Variants in DOCK2 observed in about 807,000 individuals in gnomAD.
The protein encoded by DOCK2 is dedicator of cytokinesis protein 2.
DOCK2 carries 87 observed loss-of-function variants against 248.9 expected under a neutral mutation model. The ratio of observed to expected loss-of-function variants is 0.35; its 90% CI spans 0.29 to 0.42. The LOEUF (loss-of-function observed/expected upper bound fraction) is 0.42. DOCK2 is among the 10% of genes least tolerant of loss of function. The pLI, the probability that DOCK2 is intolerant of heterozygous loss-of-function variation, is 1.00. For synonymous variants in DOCK2, 805 were observed against 821.6 expected, an observed-to-expected ratio of 0.98 and a Z score of 0.35; for missense variants, 1,747 against 2,300.2, an observed-to-expected ratio of 0.76 and a Z score of 4.92.
At chr5:169,842,689 G>A (rs919978681) in intron 27 of DOCK2, among the ~76,000 whole-genome samples, 2 of 152,172 alleles carry the variant, frequency 1.3e-5, no homozygotes, top group Non-Finnish European at 2.9e-5. Flanking sequence ...TCTGTACGTA[G>A]CAGGCTTTTA....
intron 46 of DOCK2, among the ~76,000 whole-genome samples, chr5:170,070,575 AAAT>A (rs1274212315): frequency 6.6e-6 from 1 of 152,146 alleles, no homozygotes; most frequent in African/African-American, 2.4e-5. Context: ...TTTATTATTC[AAAT>A]AATGATGTTC....
intron 27 of DOCK2, among the ~76,000 whole-genome samples, chr5:169,870,566 G>T (rs1162573627): frequency 2.6e-5 from 4 of 151,190 alleles, no homozygotes; most frequent in South Asian, 4.2e-4. Context: ...TAGATCTGTG[G>T]GTTTTTTTCT....
intron 27 of DOCK2, among the ~76,000 whole-genome samples, chr5:169,960,270 A>T (rs759490081): frequency 3.3e-5 from 5 of 152,194 alleles, no homozygotes; most frequent in Non-Finnish European, 7.3e-5. Context: ...ACCTCTGTAC[A>T]TGGGTATCTT....
At chr5:169,943,698 G>A (rs1400640235) in intron 27 of DOCK2, among the ~76,000 whole-genome samples, 1 of 152,130 alleles carries the variant, frequency 6.6e-6, no homozygotes, top group Non-Finnish European at 1.5e-5. Context: ...TGGGATCAGT[G>A]GAATCAGCAT....
intron 33 of DOCK2, among the ~76,000 whole-genome samples, chr5:170,024,310 G>T (rs1428373756): frequency 1.3e-5 from 2 of 151,632 alleles, no homozygotes; most frequent in African/African-American, 4.8e-5. Context: ...CAGTGTTGGG[G>T]GTAAGGACTG....
intron 25 of DOCK2, among the ~76,000 whole-genome samples, chr5:169,796,395 A>T (rs985539330): frequency 6.6e-6 from 1 of 152,132 alleles, no homozygotes; most frequent in Non-Finnish European, 1.5e-5. Context: ...GTAATGGCAT[A>T]TCCCATGGAA....
At chr5:170,034,955 TG>T (rs1336395162) in intron 35 of DOCK2, among the ~76,000 whole-genome samples, 1 of 152,162 alleles carries the variant, frequency 6.6e-6, no homozygotes, top group Non-Finnish European at 1.5e-5. Context: ...ATCTATTACA[TG>T]GAGAAAATAA....
At chr5:169,807,633 C>A (rs1398477394) in intron 26 of DOCK2, among the ~76,000 whole-genome samples, 1 of 151,796 alleles carries the variant, frequency 6.6e-6, no homozygotes, top group Non-Finnish European at 1.5e-5. Context: ...GAGATCGAGA[C>A]CATCCTGGCT....
rs546474084 is a variant in DOCK2, at chr5:170,067,817, G to A, written c.4644+131G>A. 2.2e-4 allele frequency: 224 copies of A among 1,005,286 alleles called. No homozygotes were observed. The African/African-American group carries it at 3.3e-3, about 15-fold the overall frequency. The allele number at this position is 1,005,286 out of a possible 1,614,324, so 62.3% of individuals were successfully genotyped here. A position where few individuals can be genotyped will look rare whatever the true frequency, so the allele number is the denominator to read the frequency against. On this transcript the variant is annotated intron_variant, in intron 45 of 51. Transcript: ENST00000520908. ...GTCCTTGTCCCCAGAGGGACCCTCAGCTTGGTTGGCCCTCATGTTTCTATA... is the reference window on the plus strand; with the variant it reads ...GTCCTTGTCCCCAGAGGGACCCTCAACTTGGTTGGCCCTCATGTTTCTATA...
chr5:169,856,648 A>C (rs568986756), intron 27 of DOCK2, among the ~76,000 whole-genome samples: 1 of 152,356 alleles, frequency 6.6e-6, no homozygotes, highest in Non-Finnish European at 1.5e-5. Flanking sequence ...TGACACCAGC[A>C]AGTAACTTCT....
At chr5:169,722,171 G>A (rs1184100696) in intron 22 of DOCK2, among the ~76,000 whole-genome samples, 3 of 152,192 alleles carry the variant, frequency 2.0e-5, no homozygotes, top group South Asian at 2.1e-4. Context: ...AATCTTCTAC[G>A]ATTCAGCTTC....
chr5:169,795,621 C>T (rs1374251170), intron 25 of DOCK2, among the ~76,000 whole-genome samples: 2 of 152,128 alleles, frequency 1.3e-5, no homozygotes, highest in Non-Finnish European at 2.9e-5. Flanking sequence ...TAGTTTTCTT[C>T]GTGATATGCT....
At chr5:169,921,993 A>G (rs1390846179) in intron 27 of DOCK2, among the ~76,000 whole-genome samples, 2 of 152,214 alleles carry the variant, frequency 1.3e-5, no homozygotes, top group Non-Finnish European at 2.9e-5. Flanking sequence ...TCAGAATCCC[A>G]TGTACATCCT....
intron 29 of DOCK2, among the ~76,000 whole-genome samples, 167 bp downstream of exon 29, chr5:169,986,089 G>A (rs1188325775): frequency 2.0e-5 from 3 of 150,044 alleles, no homozygotes; most frequent in Non-Finnish European, 4.4e-5. Flanking sequence ...CTCACCAATC[G>A]AAGCTACTCA....
intron 27 of DOCK2, among the ~76,000 whole-genome samples, chr5:169,881,106 C>G (rs1231453290): frequency 2.0e-5 from 3 of 152,116 alleles, no homozygotes; most frequent in Admixed American, 2.0e-4. Context: ...GAATGAGATG[C>G]AAATGTGCAT....
intron 26 of DOCK2, among the ~76,000 whole-genome samples, chr5:169,810,744 T>C (rs1343963532): frequency 6.6e-6 from 1 of 152,166 alleles, no homozygotes. Context: ...CATTTTAGTA[T>C]GTCGCACTTA....
chr5:169,700,354 C>T (rs1186312027), intron 13 of DOCK2, among the ~76,000 whole-genome samples: 3 of 152,002 alleles, frequency 2.0e-5, no homozygotes, highest in Non-Finnish European at 2.9e-5. Flanking sequence ...ACACATACCC[C>T]TTCTCCCCAC....
chr5:170,055,662 C>T (rs992685713), intron 42 of DOCK2, among the ~76,000 whole-genome samples: 8 of 152,250 alleles, frequency 5.3e-5, no homozygotes, highest in Non-Finnish European at 1.2e-4. Flanking sequence ...ATGCAGTCAG[C>T]CTATTTGTTG....
At chr5:170,005,420 G>T (rs1489728309) in intron 30 of DOCK2, among the ~76,000 whole-genome samples, 1 of 152,188 alleles carries the variant, frequency 6.6e-6, no homozygotes, top group African/African-American at 2.4e-5. Flanking sequence ...TACTTGTGGA[G>T]CTTACAGTTG....
Sources: allele counts gnomAD v4.1 joint callset (sites outside exome capture counted in the v4.1 genomes callset), GRCh38; gene constraint gnomAD v4.1.1; transcripts MANE v1.5; gene names NCBI Gene and HGNC (gene_info 2026-07-23, HGNC 2026-07-21).